Variants in ZNF718 observed in about 807,000 individuals in gnomAD.
ZNF718 encodes the protein zinc finger protein 718.
In ZNF718, 3 loss-of-function variants were observed where a neutral mutation model predicts 2.6. The observed-to-expected ratio is 1.16, with a 90% CI of 0.53 to 3.01. ZNF718 has a LOEUF of 3.01. ZNF718 is among the 30% of genes most tolerant of loss of function. ZNF718 has a pLI of 0.03. For synonymous variants in ZNF718, 135 were observed against 77.9 expected, an observed-to-expected ratio of 1.73 and a Z score of -3.86; for missense variants, 468 against 230.0, an observed-to-expected ratio of 2.03 and a Z score of -6.69.
chr4:141,924 T>C, intron 3 of ZNF718: 1 of 424,620 alleles, frequency 2.4e-6, no homozygotes. Flanking sequence ...GCATGTTTTC[T>C]GTTGTATAAA....
chr4:135,060 G>C (rs554735674), intron 3 of ZNF718, among the ~76,000 whole-genome samples: 118 of 152,134 alleles, frequency 7.8e-4, no homozygotes, highest in Non-Finnish European at 1.4e-3. Flanking sequence ...TGGCCAACGT[G>C]GTGAAACCCC....
intron 1 of ZNF718, among the ~76,000 whole-genome samples, chr4:126,067 G>C (rs1336515261): frequency 1.3e-5 from 2 of 152,190 alleles, no homozygotes; most frequent in Non-Finnish European, 2.9e-5. Context: ...TTCATCAGTT[G>C]TGCCCTGCCC....
chr4:172,484 C>T (rs1717258860), intron 3 of ZNF718, among the ~76,000 whole-genome samples: 2 of 152,242 alleles, frequency 1.3e-5, no homozygotes, highest in African/African-American at 4.8e-5. Context: ...CACTAAAACT[C>T]TATGTGTGTT....
chr4:173,248 G>A (rs1226088443), intron 3 of ZNF718, among the ~76,000 whole-genome samples: 1 of 151,300 alleles, frequency 6.6e-6, no homozygotes, highest in Non-Finnish European at 1.5e-5. Context: ...GTCAGCAAAT[G>A]CTGTAATGTA....
chr4:166,376 G>T (rs149293287), downstream of ZNF718, among the ~76,000 whole-genome samples: 117,013 of 152,072 alleles, frequency 0.77, 45,314 homozygotes, highest in East Asian at 0.96. Context: ...GTAATGGGAT[G>T]GCTGGGTCAA....
downstream of ZNF718, among the ~76,000 whole-genome samples, chr4:167,099 A>T (rs1717106822): frequency 6.6e-6 from 1 of 152,172 alleles, no homozygotes; most frequent in Non-Finnish European, 1.5e-5. Context: ...ACCATTTATT[A>T]AATAGGAAAT....
Position 148,136 on chromosome 4 carries a change from T to C in ZNF718, c.227-12776T>C, listed in dbSNP as rs1716149447. On this transcript the variant is annotated intron_variant, in intron 3 of 3. Coordinates refer to ENST00000510175, the MANE Select transcript of ZNF718 (RefSeq NM_001039127.6). Reference sequence around the variant, plus strand: ...CAGATTTCTGGGCGGGCAGGACTGCTCCCAGACTCTAGCGGACAGGGAATG... The same window carrying C: ...CAGATTTCTGGGCGGGCAGGACTGCCCCCAGACTCTAGCGGACAGGGAATG... Among the ~76,000 whole-genome samples the C allele has an allele frequency of 2.6e-5, 4 of 152,134 alleles. No homozygotes were observed. The South Asian group carries it at 8.3e-4, about 32-fold the overall frequency.
In ZNF718 at chr4:161,077, T is replaced by A. The variant is rs1468281818; in HGVS notation, c.392T>A (p.Ile131Asn). 2 of 777,864 alleles carry A rather than the reference T, an allele frequency of 2.6e-6. No individual in the cohort carries two copies. Among genetic ancestry groups the A allele is most frequent in the Non-Finnish European group, 4.8e-6 (2 of 416,334 alleles). The allele number at this position is 777,864 out of a possible 1,614,324, so 48.2% of individuals were successfully genotyped here. ...GTGCAGAAAGGTGGTTATAATAGAA[T>A]TAACCAATGCTTATTAACTACCCAG... ...CKVQKGGYNRINQCLLTTQKK... is the reference protein window; with the variant it reads ...CKVQKGGYNRNNQCLLTTQKK... The change falls in exon 4 of 4, where the codon ATT (isoleucine) becomes AAT (asparagine). Residue 131 changes from isoleucine (I) to asparagine (N), a missense_variant. Coordinates refer to ENST00000510175, the MANE Select transcript of ZNF718 (RefSeq NM_001039127.6).
chr4:181,235 G>T (rs1455719141), intron 3 of ZNF718, among the ~76,000 whole-genome samples: 1 of 143,420 alleles, frequency 7.0e-6, no homozygotes, highest in South Asian at 2.2e-4. Flanking sequence ...CAAACTCCTG[G>T]GATTGTGTAA....
In ZNF718 at chr4:124,649, G is replaced by A. The variant is rs1553807596; in HGVS notation, c.-22G>A. The A allele has an allele frequency of 1.2e-6, 2 of 1,607,944 alleles. No individual in the cohort carries two copies. The highest frequency in any genetic ancestry group is 1.7e-6 in the Non-Finnish European group (2 of 1,179,670). ...TTGGATGATTCGTATCTAAGACTCTGGGACACTCCTGAAGTCGGGAAATGG... is the reference window on the plus strand; with the variant it reads ...TTGGATGATTCGTATCTAAGACTCTAGGACACTCCTGAAGTCGGGAAATGG... On this transcript the variant is annotated 5_prime_UTR_variant, in exon 1 of 4. Coordinates refer to ENST00000510175, the MANE Select transcript of ZNF718 (RefSeq NM_001039127.6).
rs149829651 is a variant in ZNF718 at position 144,170 on chromosome 4, G to A, written c.226+12665G>A. 9.6e-3 allele frequency among the ~76,000 whole-genome samples: 1,455 copies of A among 152,290 alleles called. 25 individuals are homozygous for A. Among genetic ancestry groups the A allele is most frequent in the African/African-American group, 0.033 (1,377 of 41,544 alleles). On this transcript the variant is annotated intron_variant, in intron 3 of 3. Transcript: ENST00000510175. ...AAAAATTCTGTAAGGGGGCCTTCGA[G>A]CCCCTATGCTCGGGCCCGCACTGTG...
intron 3 of ZNF718, among the ~76,000 whole-genome samples, chr4:150,726 C>T (rs992087502): frequency 2.0e-5 from 3 of 148,308 alleles, no homozygotes; most frequent in Non-Finnish European, 4.5e-5. Context: ...GTAGATGTCT[C>T]TTTGACATAC....
chr4:125,473 AGTGAGTT>A (rs1715165357), intron 1 of ZNF718, among the ~76,000 whole-genome samples: 2 of 152,126 alleles, frequency 1.3e-5, no homozygotes, highest in Admixed American at 1.3e-4. Flanking sequence ...TGGTGTCGTT[AGTGAGTT>A]GCTGGACACC....
At chr4:198,361 G>T (rs1717833678) in intron 3 of ZNF718, among the ~76,000 whole-genome samples, 1 of 152,146 alleles carries the variant, frequency 6.6e-6, no homozygotes, top group Non-Finnish European at 1.5e-5. Context: ...GCCAATTGAG[G>T]CTTAAAGTTA....
intron 3 of ZNF718, among the ~76,000 whole-genome samples, chr4:147,109 T>C (rs1214132432): frequency 6.6e-6 from 1 of 152,214 alleles, no homozygotes; most frequent in East Asian, 1.9e-4. Flanking sequence ...TAGCTGTGAC[T>C]ACAGGTGTGC....
chr4:148,666 T>C (rs1238106444), intron 3 of ZNF718, among the ~76,000 whole-genome samples: 3 of 147,502 alleles, frequency 2.0e-5, no homozygotes, highest in Non-Finnish European at 4.5e-5. Context: ...CAGGCCTACA[T>C]CCAGGGGCAC....
In ZNF718 at chr4:124,791, C is replaced by T. The variant is rs140631262; in HGVS notation, c.3+118C>T. 1.9e-3 allele frequency: 2,682 copies of T among 1,409,006 alleles called. 41 individuals are homozygous for T. The African/African-American group carries it at 0.033, about 18-fold the overall frequency. 87.3% of individuals were successfully genotyped at this position (1,409,006 alleles called of 1,614,324 possible). A position where few individuals can be genotyped will look rare whatever the true frequency, so the allele number is the denominator to read the frequency against. ...TCCCGCTCAGCCCTCTGTCCTCAGT[C>T]CCCTCCGGTGAGGGACCCGCGCTCT... On this transcript the variant is annotated intron_variant, in intron 1 of 3. Transcript: ENST00000510175.
intron 3 of ZNF718, among the ~76,000 whole-genome samples, chr4:176,443 TC>T (rs1553819094): frequency 6.6e-6 from 1 of 152,196 alleles, no homozygotes; most frequent in Non-Finnish European, 1.5e-5. Context: ...TCTCTATGCA[TC>T]TATGCTACCA....
rs1441956109 is a variant in ZNF718, at chr4:160,657, C to A, written c.227-255C>A. Among the ~76,000 whole-genome samples the A allele has an allele frequency of 2.0e-5, 3 of 152,144 alleles. 1 individual carries two copies. Among genetic ancestry groups the A allele is most frequent in the African/African-American group, 7.2e-5 (3 of 41,426 alleles). ...CTCTACCTCCCGGGTTCAAGGGATT[C>A]TCCTGCCTCAGCCTCCCAAGTAGCT... On this transcript the variant is annotated intron_variant, in intron 3 of 3. Coordinates refer to ENST00000510175, the MANE Select transcript of ZNF718 (RefSeq NM_001039127.6).
Sources: gnomAD v4.1 joint callset for allele counts (sites outside exome capture counted in the v4.1 genomes callset) on GRCh38, gnomAD v4.1.1 for gene constraint, MANE v1.5 for transcripts, NCBI Gene and HGNC (gene_info 2026-07-23, HGNC 2026-07-21) for gene names.